The following KIRREL3 variants were observed in gnomAD, a reference collection of about 807,000 sequenced individuals.
The protein encoded by KIRREL3 is kirre like nephrin family adhesion molecule 3, also known as kin of IRRE-like protein 3.
In KIRREL3, 36 loss-of-function variants were observed where a neutral mutation model predicts 89.7. That is an observed-to-expected ratio of 0.40 (90% CI 0.31 to 0.53). The LOEUF is 0.53. Among genes scored for constraint, KIRREL3 ranks in the 20% least tolerant of loss-of-function variants. The pLI is 0.49. For synonymous variants in KIRREL3, 445 were observed against 441.4 expected, an observed-to-expected ratio of 1.01 and a Z score of -0.10; for missense variants, 864 against 1,056.6, an observed-to-expected ratio of 0.82 and a Z score of 2.53.
At chr11:126,625,179 C>T (rs933468185) in intron 1 of KIRREL3, among the ~76,000 whole-genome samples, 5 of 152,170 alleles carry the variant, frequency 3.3e-5, no homozygotes, top group African/African-American at 1.2e-4. Flanking sequence ...CTTCAGTGCA[C>T]GATTCCAGTG....
chr11:126,867,301 G>C lies in KIRREL3; in HGVS notation c.55+133154C>G, dbSNP rs1377742500. ...AGCAGGTCTTCAGGACCTGTGCTGG[G>C]ACTCTCCTCTCATTACCTGCACTCC... is the stretch of plus-strand genomic sequence containing the variant. On this transcript the variant is annotated intron_variant, in intron 1 of 16. Coordinates refer to ENST00000525144, the MANE Select transcript of KIRREL3 (RefSeq NM_032531.4). The surrounding 1 kb of genome is among the most constrained non-coding windows in gnomAD (Gnocchi z 4.7). Among the ~76,000 whole-genome samples the C allele has an allele frequency of 2.6e-5, 4 of 152,220 alleles. No homozygotes were observed. The highest frequency in any genetic ancestry group is 4.4e-5 in the Non-Finnish European group (3 of 68,036).
At chr11:126,503,247 G>C (rs1957919130) in intron 4 of KIRREL3, among the ~76,000 whole-genome samples, 1 of 152,144 alleles carries the variant, frequency 6.6e-6, no homozygotes, top group African/African-American at 2.4e-5. Context: ...GGGCGTCCGA[G>C]CCTGTGGATC....
intron 1 of KIRREL3, among the ~76,000 whole-genome samples, chr11:126,913,422 C>T (rs1028970820): frequency 6.6e-6 from 1 of 152,122 alleles, no homozygotes; most frequent in African/African-American, 2.4e-5. Flanking sequence ...GGGTGTCTGA[C>T]CAATTATCTC....
At chr11:126,543,036 A>G (rs1487261725) in intron 2 of KIRREL3, among the ~76,000 whole-genome samples, 1 of 151,992 alleles carries the variant, frequency 6.6e-6, no homozygotes, top group Non-Finnish European at 1.5e-5. Flanking sequence ...CCATGTAGAG[A>G]CTTGAATATC....
In KIRREL3 at chr11:126,683,362, C is replaced by G. The variant is rs544580673; in HGVS notation, c.56-120450G>C. Among the ~76,000 whole-genome samples the G allele has an allele frequency of 6.6e-6, 1 of 152,252 alleles. No individual in the cohort carries two copies. The highest frequency in any genetic ancestry group is 2.4e-5 in the African/African-American group (1 of 41,540). ...ATGGTTTGCAAGTAAGTGGGATCGA[C>G]CGTGGGGTCTCTGGACAGCTCCCCA... is the stretch of plus-strand genomic sequence containing the variant. On this transcript the variant is annotated intron_variant, in intron 1 of 16. Transcript: ENST00000525144. The surrounding 1 kb of genome is among the most constrained non-coding windows in gnomAD (Gnocchi z 5.2).
At position 126,744,359 on chromosome 11, in the gene KIRREL3, A is replaced by G. The variant is rs1592061266; in HGVS notation, c.56-181447T>C. ...CACCCGCAGGAGGTGTGCTGACCAG[A>G]GAGGATGAAAGGGAAGCTGGAGGCA... On this transcript the variant is annotated intron_variant, in intron 1 of 16. Coordinates refer to ENST00000525144, the MANE Select transcript of KIRREL3 (RefSeq NM_032531.4). The surrounding 1 kb of genome is among the most constrained non-coding windows in gnomAD (Gnocchi z 4.7). Among the ~76,000 whole-genome samples the G allele has an allele frequency of 6.6e-6, 1 of 152,010 alleles. No homozygotes were observed. Among genetic ancestry groups the G allele is most frequent in the Non-Finnish European group, 1.5e-5 (1 of 67,998 alleles).
At chr11:126,538,654 TGACG>T (rs2134482598) in intron 2 of KIRREL3, among the ~76,000 whole-genome samples, 1 of 152,282 alleles carries the variant, frequency 6.6e-6, no homozygotes, top group South Asian at 2.1e-4. Context: ...ACCCACTGAC[TGACG>T]GATAAAAATG....
intron 2 of KIRREL3, among the ~76,000 whole-genome samples, chr11:126,534,312 G>A (rs1364829509): frequency 2.6e-5 from 4 of 152,206 alleles, no homozygotes; most frequent in Non-Finnish European, 4.4e-5. Flanking sequence ...GCTTGGCTCC[G>A]CATCTGACTG....
chr11:126,973,268 C>T (rs1054259631), intron 1 of KIRREL3, among the ~76,000 whole-genome samples: 3 of 152,106 alleles, frequency 2.0e-5, no homozygotes, highest in African/African-American at 7.2e-5. Flanking sequence ...AGATTACAGT[C>T]CCATATTGCC....
chr11:126,561,717 G>C lies in KIRREL3; in HGVS notation c.133+1118C>G, dbSNP rs527667235. Among the ~76,000 whole-genome samples, 2 of 152,332 alleles carry C rather than the reference G, an allele frequency of 1.3e-5. No homozygotes were observed. Among genetic ancestry groups the C allele is most frequent in the Admixed American group, 6.5e-5 (1 of 15,302 alleles). Reference sequence around the variant, plus strand: ...TGTTGGCTTCAGGCAGGCAGCAAATGGGGGAGGTGATCACTTCCTGTGCTT... The same window carrying C: ...TGTTGGCTTCAGGCAGGCAGCAAATCGGGGAGGTGATCACTTCCTGTGCTT... On this transcript the variant is annotated intron_variant, in intron 2 of 16. Transcript: ENST00000525144. This position sits in a 1 kb window ranked among gnomAD's most constrained non-coding sequence, Gnocchi z 4.5.
At chr11:126,916,650 A>C (rs1409491299) in intron 1 of KIRREL3, among the ~76,000 whole-genome samples, 1 of 152,186 alleles carries the variant, frequency 6.6e-6, no homozygotes, top group African/African-American at 2.4e-5. Context: ...ACAAACAAAA[A>C]ACCTGCTAAT....
At position 126,528,428 on chromosome 11, in the gene KIRREL3, C is replaced by T. The variant is rs1414661120; in HGVS notation, c.134-1741G>A. Among the ~76,000 whole-genome samples the T allele has an allele frequency of 6.6e-6, 1 of 152,150 alleles. No homozygotes were observed. Among genetic ancestry groups the T allele is most frequent in the African/African-American group, 2.4e-5 (1 of 41,434 alleles). Reference sequence around the variant, plus strand: ...AGCAGAGCTTGGGGTGGAGGCTCCCCAGAAGGAGGGGTGCAGATTCACAGT... The same window carrying T: ...AGCAGAGCTTGGGGTGGAGGCTCCCTAGAAGGAGGGGTGCAGATTCACAGT... On this transcript the variant is annotated intron_variant, in intron 2 of 16. Coordinates refer to ENST00000525144, the MANE Select transcript of KIRREL3 (RefSeq NM_032531.4). The surrounding 1 kb of genome is among the most constrained non-coding windows in gnomAD (Gnocchi z 4.6).
chr11:126,875,949 C>T (rs996807321), intron 1 of KIRREL3, among the ~76,000 whole-genome samples: 20 of 152,142 alleles, frequency 1.3e-4, no homozygotes, highest in Admixed American at 1.2e-3. Context: ...TCATGAGATG[C>T]TAGAAACAGG....
intron 1 of KIRREL3, among the ~76,000 whole-genome samples, chr11:126,956,918 G>A (rs1413112594): frequency 6.6e-6 from 1 of 152,166 alleles, no homozygotes; most frequent in East Asian, 1.9e-4. Flanking sequence ...AACAGGTCCA[G>A]GATCACCAGG....
Position 127,000,534 on chromosome 11 carries a change from G to A in KIRREL3, c.-25C>T, listed in dbSNP as rs373997382. 2 of 1,593,274 alleles carry A rather than the reference G, an allele frequency of 1.3e-6. No homozygotes were observed. Among genetic ancestry groups the A allele is most frequent in the Non-Finnish European group, 1.7e-6 (2 of 1,170,090 alleles). ...TTCCTTAGCGCAGCGAAGGAAAGCCGGCGGGGTAACTTGGCTGTGGTTAGT... is the reference window on the plus strand; with the variant it reads ...TTCCTTAGCGCAGCGAAGGAAAGCCAGCGGGGTAACTTGGCTGTGGTTAGT... On this transcript the variant is annotated 5_prime_UTR_variant, in exon 1 of 17. Transcript: ENST00000525144. This position sits in a 1 kb window ranked among gnomAD's most constrained non-coding sequence, Gnocchi z 7.1.
In KIRREL3 at chr11:126,923,176, C is replaced by CTTCTTCTTCTTCTCT. The variant is rs766266024; in HGVS notation, c.55+77278_55+77279insAGAGAAGAAGAAGAA. Among the ~76,000 whole-genome samples the CTTCTTCTTCTTCTCT allele has an allele frequency of 1.9e-3, 34 of 17,986 alleles. 9 individuals carry two copies. The highest frequency in any genetic ancestry group is 6.3e-3 in the African/African-American group (27 of 4,258). The allele number at this position is 17,986 out of a possible 152,430, so 11.8% of individuals were successfully genotyped here. A position where few individuals can be genotyped will look rare whatever the true frequency, so the allele number is the denominator to read the frequency against. ...TCTTCTTCTTCTTCTTCTTCTTCTT[C>CTTCTTCTTCTTCTCT]TCTTCTTCTTCTCTTCTTCTTCTTC... On this transcript the variant is annotated intron_variant, in intron 1 of 16. Coordinates refer to ENST00000525144, the MANE Select transcript of KIRREL3 (RefSeq NM_032531.4).
Position 126,485,186 on chromosome 11 carries a change from C to T in KIRREL3, c.434-11720G>A, listed in dbSNP as rs1409316260. Reference sequence around the variant, plus strand: ...CAGCACAATCGCACAGACGTGTCTCCAAGGAGGTTGGGGACAGAGAGAAAA... The same window carrying T: ...CAGCACAATCGCACAGACGTGTCTCTAAGGAGGTTGGGGACAGAGAGAAAA... On this transcript the variant is annotated intron_variant, in intron 4 of 16. Coordinates refer to ENST00000525144, the MANE Select transcript of KIRREL3 (RefSeq NM_032531.4). This position sits in a 1 kb window ranked among gnomAD's most constrained non-coding sequence, Gnocchi z 5.8. Among the ~76,000 whole-genome samples, 1 of 152,022 alleles carries T rather than the reference C, an allele frequency of 6.6e-6. No individual in the cohort carries two copies. Among genetic ancestry groups the T allele is most frequent in the East Asian group, 1.9e-4 (1 of 5,202 alleles).
intron 1 of KIRREL3, among the ~76,000 whole-genome samples, chr11:126,878,106 G>A (rs562786769): frequency 2.0e-5 from 3 of 152,292 alleles, no homozygotes; most frequent in South Asian, 2.1e-4. Context: ...AGGTAGGTAC[G>A]TTGATGGAAG....
rs573952215 is a variant in KIRREL3, at chr11:126,820,654, G to C, written c.55+179801C>G. ...CAGGCCTGGAAGGATGGATGGGAGG[G>C]TCTGGACAGGTGGGAGATGTGGTGG... On this transcript the variant is annotated intron_variant, in intron 1 of 16. Transcript: ENST00000525144. Among the ~76,000 whole-genome samples, 7 of 152,194 alleles carry C rather than the reference G, an allele frequency of 4.6e-5. No individual in the cohort carries two copies. The South Asian group carries it at 1.5e-3, about 32-fold the overall frequency.
Sources: gnomAD v4.1 joint callset for allele counts (sites outside exome capture counted in the v4.1 genomes callset) on GRCh38, gnomAD v4.1.1 for gene constraint, Gnocchi (gnomAD v3.1) non-coding constraint, MANE v1.5 for transcripts, NCBI Gene and HGNC (gene_info 2026-07-23, HGNC 2026-07-21) for gene names.